Variants in CCDC85A observed in about 807,000 individuals in gnomAD.
The protein encoded by CCDC85A is coiled-coil domain containing 85A, also known as coiled-coil domain-containing protein 85A.
In CCDC85A, 38 loss-of-function variants were observed where a neutral mutation model predicts 50.2. The observed-to-expected ratio is 0.76, with a 90% CI of 0.58 to 0.99. CCDC85A has a LOEUF of 0.99. Ranked by LOEUF, CCDC85A falls within the 50% of genes least tolerant of loss-of-function variation. CCDC85A has a pLI of 0.00. For missense variants in CCDC85A, 820 were observed against 742.0 expected, an observed-to-expected ratio of 1.11 and a Z score of -1.22; for synonymous variants, 366 against 301.4, an observed-to-expected ratio of 1.21 and a Z score of -2.22.
intron 1 of CCDC85A, among the ~76,000 whole-genome samples, chr2:56,190,128 A>G (rs1250289012): frequency 6.6e-6 from 1 of 152,214 alleles, no homozygotes; most frequent in Non-Finnish European, 1.5e-5. Flanking sequence ...GTCTATGTTA[A>G]GGGCAGTGTT....
intron 2 of CCDC85A, among the ~76,000 whole-genome samples, chr2:56,206,866 T>C (rs1676983770): frequency 6.6e-6 from 1 of 152,182 alleles, no homozygotes; most frequent in African/African-American, 2.4e-5. Flanking sequence ...TTGTAAAGGT[T>C]ATGCTGAATT....
intron 2 of CCDC85A, among the ~76,000 whole-genome samples, chr2:56,258,426 C>T (rs1390476293): frequency 6.6e-6 from 1 of 152,202 alleles, no homozygotes; most frequent in Non-Finnish European, 1.5e-5. Context: ...AGGCCACACT[C>T]TCCCTGCCAT....
chr2:56,357,769 C>T (rs1354948552), intron 3 of CCDC85A, among the ~76,000 whole-genome samples: 2 of 147,406 alleles, frequency 1.4e-5, no homozygotes, highest in Non-Finnish European at 3.0e-5. Flanking sequence ...TGGATATTTA[C>T]AAGCATCTGT....
intron 3 of CCDC85A, among the ~76,000 whole-genome samples, chr2:56,358,042 C>T (rs962891534): frequency 6.6e-6 from 1 of 152,100 alleles, no homozygotes; most frequent in African/African-American, 2.4e-5. Flanking sequence ...AGGTTTGTGT[C>T]CAGATTTTCT....
intron 1 of CCDC85A, among the ~76,000 whole-genome samples, chr2:56,186,841 G>C (rs979844509): frequency 6.6e-6 from 1 of 152,128 alleles, no homozygotes; most frequent in Non-Finnish European, 1.5e-5. Flanking sequence ...CTAAAGGCCC[G>C]TACACCCAAG....
chr2:56,376,185 C>T (rs187907639), intron 5 of CCDC85A, among the ~76,000 whole-genome samples: 62 of 152,152 alleles, frequency 4.1e-4, no homozygotes, highest in African/African-American at 8.7e-4. Flanking sequence ...TCATATCTAT[C>T]GGCATCGAAG....
At chr2:56,372,264 C>A in intron 3 of CCDC85A, 80 bp from the exon 4 acceptor site, 1 of 1,381,720 alleles carries the variant, frequency 7.2e-7, no homozygotes, top group Non-Finnish European at 9.6e-7. Context: ...TCTCATTAAG[C>A]TTCATGTTCT....
intron 3 of CCDC85A, among the ~76,000 whole-genome samples, chr2:56,363,215 G>T (rs963329913): frequency 6.6e-6 from 1 of 152,100 alleles, no homozygotes; most frequent in African/African-American, 2.4e-5. Context: ...ATGCTTCCAT[G>T]ATGCTTCCTT....
intron 2 of CCDC85A, among the ~76,000 whole-genome samples, chr2:56,249,783 T>G (rs1453230659): frequency 6.6e-6 from 1 of 152,208 alleles, no homozygotes; most frequent in Non-Finnish European, 1.5e-5. Context: ...GGTCCTGGCA[T>G]GTAGTTATTC....
At chr2:56,248,850 T>C (rs1474538072) in intron 2 of CCDC85A, among the ~76,000 whole-genome samples, 1 of 152,186 alleles carries the variant, frequency 6.6e-6, no homozygotes, top group Non-Finnish European at 1.5e-5. Flanking sequence ...CAAGGTCATA[T>C]GGATATTGAT....
intron 3 of CCDC85A, among the ~76,000 whole-genome samples, chr2:56,360,464 C>T (rs1026501893): frequency 6.6e-6 from 1 of 152,178 alleles, no homozygotes; most frequent in Non-Finnish European, 1.5e-5. Context: ...CATCTCTAAC[C>T]AGCCTCGGGG....
At chr2:56,224,084 A>G (rs1450637091) in intron 2 of CCDC85A, among the ~76,000 whole-genome samples, 1 of 152,168 alleles carries the variant, frequency 6.6e-6, no homozygotes, top group South Asian at 2.1e-4. Context: ...CCAAAATATC[A>G]TTTGCATTTA....
In CCDC85A at chr2:56,192,015, A is replaced by G. The variant is rs1044221081; in HGVS notation, c.277-462A>G. Among the ~76,000 whole-genome samples the G allele has an allele frequency of 1.5e-4, 23 of 152,168 alleles. No individual in the cohort carries two copies. The highest frequency in any genetic ancestry group is 1.4e-3 in the Admixed American group (22 of 15,284). On this transcript the variant is annotated intron_variant, in intron 1 of 5. Coordinates refer to ENST00000407595, the MANE Select transcript of CCDC85A (RefSeq NM_001080433.2). This position sits in a 1 kb window ranked among gnomAD's most constrained non-coding sequence, Gnocchi z 4.7. ...TTTATCTAGTGACTGATTTCTTGAT[A>G]ATGAACTGGTTGCTCCCTAACTACT...
chr2:56,296,667 TG>T (rs1239290810), intron 2 of CCDC85A, among the ~76,000 whole-genome samples: 4 of 152,184 alleles, frequency 2.6e-5, no homozygotes, highest in Non-Finnish European at 5.9e-5. Context: ...ACAGAACACC[TG>T]GGTTGTACAT....
At chr2:56,322,041 G>A (rs1305168068) in intron 2 of CCDC85A, among the ~76,000 whole-genome samples, 1 of 152,180 alleles carries the variant, frequency 6.6e-6, no homozygotes, top group African/African-American at 2.4e-5. Context: ...AAGAAATGGG[G>A]AAAGGATTCC....
At chr2:56,255,568 C>T (rs1455221115) in intron 2 of CCDC85A, among the ~76,000 whole-genome samples, 1 of 151,922 alleles carries the variant, frequency 6.6e-6, no homozygotes, top group Non-Finnish European at 1.5e-5. Context: ...GTTTTCACAG[C>T]CAGGATAAGG....
chr2:56,236,557 C>T (rs183397924), intron 2 of CCDC85A, among the ~76,000 whole-genome samples: 2 of 152,294 alleles, frequency 1.3e-5, no homozygotes, highest in East Asian at 1.9e-4. Context: ...TGAGACCTCA[C>T]ACTTCTTGAC....
At chr2:56,253,829 C>T (rs1312008643) in intron 2 of CCDC85A, among the ~76,000 whole-genome samples, 1 of 152,050 alleles carries the variant, frequency 6.6e-6, no homozygotes, top group Non-Finnish European at 1.5e-5. Flanking sequence ...AATGGGGATG[C>T]CAGTTGCTGA....
chr2:56,328,683 A>T (rs1397497213), intron 2 of CCDC85A, among the ~76,000 whole-genome samples: 1 of 152,182 alleles, frequency 6.6e-6, no homozygotes, highest in Admixed American at 6.6e-5. Flanking sequence ...ATATTCGTTC[A>T]TGCCAAAAAT....
Sources: gnomAD v4.1 joint callset for allele counts (sites outside exome capture counted in the v4.1 genomes callset) on GRCh38, gnomAD v4.1.1 for gene constraint, Gnocchi (gnomAD v3.1) non-coding constraint, MANE v1.5 for transcripts, NCBI Gene and HGNC (gene_info 2026-07-23, HGNC 2026-07-21) for gene names.